STX1A: variants seen among roughly 807,000 people sequenced by gnomAD.
The protein encoded by STX1A is syntaxin-1A.
In STX1A, 4 loss-of-function variants were observed where a neutral mutation model predicts 37.8. The ratio of observed to expected loss-of-function variants is 0.11; its 90% confidence interval spans 0.05 to 0.24. The LOEUF is 0.24. Among genes scored for constraint, STX1A ranks in the 10% least tolerant of loss-of-function variants. The pLI is 1.00. For synonymous variants in STX1A, 135 were observed against 147.4 expected, an observed-to-expected ratio of 0.92 and a Z score of 0.61; for missense variants, 251 against 399.9, an observed-to-expected ratio of 0.63 and a Z score of 3.18.
At position 73,703,104 on chromosome 7, in the gene STX1A, A is replaced by G. The variant is rs964178340; in HGVS notation, c.541-122T>C. 10 of 840,584 alleles carry G rather than the reference A, an allele frequency of 1.2e-5. No homozygotes were observed. In the East Asian group the frequency reaches 2.6e-4, roughly 22 times the overall value. 52.1% of individuals were successfully genotyped at this position (840,584 alleles called of 1,614,324 possible). A position where few individuals can be genotyped will look rare whatever the true frequency, so the allele number is the denominator to read the frequency against. ...GGAAGGGGGCCTGAGGCTTCCTCCC[A>G]AGCCGCAGCCTTCCCCGCCTTGCTA... is the stretch of plus-strand genomic sequence containing the variant. On this transcript the variant is annotated intron_variant, in intron 7 of 9. Coordinates refer to ENST00000222812, the MANE Select transcript of STX1A (RefSeq NM_004603.4).
intron 1 of STX1A, among the ~76,000 whole-genome samples, chr7:73,710,476 A>G (rs946808710): frequency 6.6e-6 from 1 of 152,004 alleles, no homozygotes; most frequent in Non-Finnish European, 1.5e-5. Context: ...CCTAGGCTGG[A>G]GTGCAGTGGT....
At chr7:73,711,501 G>A (rs932026380) in intron 1 of STX1A, 1 of 152,752 alleles carries the variant, frequency 6.5e-6, no homozygotes. Context: ...GTCACCAGGT[G>A]GTACCCCCTC....
chr7:73,717,379 T>C lies in STX1A; in HGVS notation c.30+2223A>G, dbSNP rs1383844855. 6.6e-6 allele frequency among the ~76,000 whole-genome samples: 1 copy of C among 152,140 alleles called. No individual in the cohort carries two copies. The highest frequency in any genetic ancestry group is 1.5e-5 in the Non-Finnish European group (1 of 68,000). The stretch of plus-strand genomic sequence containing the variant: ...TTTCTGGGGATTCTGGGCTGAAAAT[T>C]CTGACTCCTGGGGCTTCAGGCCTCC... On this transcript the variant is annotated intron_variant, in intron 1 of 9. Transcript: ENST00000222812. The surrounding 1 kb of genome is among the most constrained non-coding windows in gnomAD (Gnocchi z 4.1).
chr7:73,710,989 T>G (rs1799081647), intron 1 of STX1A, among the ~76,000 whole-genome samples: 1 of 151,982 alleles, frequency 6.6e-6, no homozygotes, highest in Non-Finnish European at 1.5e-5. Context: ...GATTGATGGA[T>G]GGACTGATTG....
At position 73,702,813 on chromosome 7, in the gene STX1A, T is replaced by A. The variant is rs200872589; in HGVS notation, c.678+32A>T. ...TGCAGCCCTGGGTGCTGGTGTGGGC[T>A]GGAGTGGAGGGCAGGGGGGCCCGGC... On this transcript the variant is annotated intron_variant, in intron 8 of 9. Coordinates refer to ENST00000222812, the MANE Select transcript of STX1A (RefSeq NM_004603.4). This position sits in a 1 kb window ranked among gnomAD's most constrained non-coding sequence, Gnocchi z 4.7. 13 of 1,613,728 alleles carry A rather than the reference T, an allele frequency of 8.1e-6. No individual in the cohort carries two copies. The highest frequency in any genetic ancestry group is 1.1e-5 in the Non-Finnish European group (13 of 1,179,910).
At position 73,700,380 on chromosome 7, in the gene STX1A, G is replaced by A; in HGVS notation, c.*27C>T. On this transcript the variant is annotated 3_prime_UTR_variant, in exon 10 of 10. Coordinates refer to ENST00000222812, the MANE Select transcript of STX1A (RefSeq NM_004603.4). This position sits in a 1 kb window ranked among gnomAD's most constrained non-coding sequence, Gnocchi z 4.4. ...AGGGCCTCCTTGGAGTGGCCCACCT[G>A]GAGTGGAGTGGCAGTTTGGGTGGCT... is the stretch of plus-strand genomic sequence containing the variant. 1.2e-6 allele frequency: 2 copies of A among 1,611,930 alleles called. No homozygotes were observed. Among genetic ancestry groups the A allele is most frequent in the Non-Finnish European group, 1.7e-6 (2 of 1,178,174 alleles).
Position 73,700,470 on chromosome 7 carries a change from G to A in STX1A, c.804C>T (p.Ile268=), listed in dbSNP as rs1554615663. ...TGCCCAGGATCACACAGCAGATGAT[G>A]ATCATGATTTTCTTCTGCATGGGAA... ...QSKARRKKIM[I]IICCVILGIV... is the part of the protein sequence containing the mutation. Residue 268 remains isoleucine, a synonymous_variant, in exon 10 of 10, where the codon ATC becomes ATT. Transcript: ENST00000222812. The surrounding 1 kb of genome is among the most constrained non-coding windows in gnomAD (Gnocchi z 4.4). 1.9e-6 allele frequency: 3 copies of A among 1,614,042 alleles called. No individual in the cohort carries two copies. The highest frequency in any genetic ancestry group is 2.5e-6 in the Non-Finnish European group (3 of 1,179,982).
In STX1A at chr7:73,709,026, G is replaced by A. The variant is rs1364500945; in HGVS notation, c.108+19C>T. 6.2e-7 allele frequency: 1 copy of A among 1,613,574 alleles called. No individual in the cohort carries two copies. ...AGTTCTGCCAGTGTGCGGGAAGGGTGGGGTGTGCTGGCTCCCACCTGCTCA... is the reference window on the plus strand; with the variant it reads ...AGTTCTGCCAGTGTGCGGGAAGGGTAGGGTGTGCTGGCTCCCACCTGCTCA... On this transcript the variant is annotated intron_variant, in intron 2 of 9. Transcript: ENST00000222812. The surrounding 1 kb of genome is among the most constrained non-coding windows in gnomAD (Gnocchi z 4.2).
At position 73,702,738 on chromosome 7, in the gene STX1A, T is replaced by G. The variant is rs1554616070; in HGVS notation, c.678+107A>C. The G allele has an allele frequency of 3.2e-6, 5 of 1,579,062 alleles. No homozygotes were observed. The highest frequency in any genetic ancestry group is 4.3e-6 in the Non-Finnish European group (5 of 1,159,128). On this transcript the variant is annotated intron_variant, in intron 8 of 9. Coordinates refer to ENST00000222812, the MANE Select transcript of STX1A (RefSeq NM_004603.4). This position sits in a 1 kb window ranked among gnomAD's most constrained non-coding sequence, Gnocchi z 4.7. ...AGCGGGTGATTGGTTACCTGAGAACTTGGTCCCTCCCCGGCAGGGCAGCGT... is the reference window on the plus strand; with the variant it reads ...AGCGGGTGATTGGTTACCTGAGAACGTGGTCCCTCCCCGGCAGGGCAGCGT...
intron 7 of STX1A, chr7:73,703,495 T>G (rs1554616234): frequency 5.9e-6 from 4 of 673,384 alleles, no homozygotes; most frequent in Non-Finnish European, 1.1e-5. Context: ...GGCCCACGGA[T>G]AAGAGGAGGA....
chr7:73,709,452 G>C lies in STX1A; in HGVS notation c.31-330C>G, dbSNP rs527313880. Reference sequence around the variant, plus strand: ...AAGCGAGCCTGGGGCCGGCCGCTCTGTCTGGGCCCTCTGGGTCCCCTAGGC... The same window carrying C: ...AAGCGAGCCTGGGGCCGGCCGCTCTCTCTGGGCCCTCTGGGTCCCCTAGGC... On this transcript the variant is annotated intron_variant, in intron 1 of 9. Transcript: ENST00000222812. This position sits in a 1 kb window ranked among gnomAD's most constrained non-coding sequence, Gnocchi z 4.2. Among the ~76,000 whole-genome samples the C allele has an allele frequency of 2.0e-5, 3 of 152,236 alleles. No homozygotes were observed. In the East Asian group the frequency reaches 5.8e-4, roughly 29 times the overall value.
chr7:73,712,580 G>C (rs549749424), intron 1 of STX1A, among the ~76,000 whole-genome samples: 289 of 152,096 alleles, frequency 1.9e-3, no homozygotes, highest in Non-Finnish European at 3.6e-3. Flanking sequence ...AGTCCCCCTG[G>C]CTTCAGCTGC....
rs1370455809 is a variant in STX1A, at chr7:73,705,512, A to C, written c.209-288T>G. ...TAACAGATGGGTCTAAATTTAAGGCAGAAGTAATTGTGGAGCAGCTGGCGA... is the reference window on the plus strand; with the variant it reads ...TAACAGATGGGTCTAAATTTAAGGCCGAAGTAATTGTGGAGCAGCTGGCGA... On this transcript the variant is annotated intron_variant, in intron 3 of 9. Transcript: ENST00000222812. The surrounding 1 kb of genome is among the most constrained non-coding windows in gnomAD (Gnocchi z 5.2). 5.1e-6 allele frequency: 2 copies of C among 388,548 alleles called. No individual in the cohort carries two copies. Among genetic ancestry groups the C allele is most frequent in the African/African-American group, 4.1e-5 (2 of 48,282 alleles). The allele number at this position is 388,548 out of a possible 1,614,324, so 24.1% of individuals were successfully genotyped here.
Position 73,703,587 on chromosome 7 carries a change from T to G in STX1A, c.540+168A>C. On this transcript the variant is annotated intron_variant, in intron 7 of 9. Coordinates refer to ENST00000222812, the MANE Select transcript of STX1A (RefSeq NM_004603.4). ...TTGAGTCCACCTTTGCCGCTGACATTTATGTGACCTCAGCCTGGTGTTTTC... is the reference window on the plus strand; with the variant it reads ...TTGAGTCCACCTTTGCCGCTGACATGTATGTGACCTCAGCCTGGTGTTTTC... 3 of 845,578 alleles carry G rather than the reference T, an allele frequency of 3.5e-6. No individual in the cohort carries two copies. In the East Asian group the frequency reaches 7.5e-5, roughly 21 times the overall value. The allele number at this position is 845,578 out of a possible 1,614,324, so 52.4% of individuals were successfully genotyped here.
chr7:73,705,681 TC>T lies in STX1A; in HGVS notation c.209-458del, dbSNP rs72555388. 0.031 allele frequency: 5,899 copies of T among 187,638 alleles called. 99 individuals carry two copies. Among genetic ancestry groups the T allele is most frequent in the Non-Finnish European group, 0.038 (3,406 of 89,850 alleles). The allele number at this position is 187,638 out of a possible 1,614,324, so 11.6% of individuals were successfully genotyped here. A position where few individuals can be genotyped will look rare whatever the true frequency, so the allele number is the denominator to read the frequency against. On this transcript the variant is annotated intron_variant, in intron 3 of 9. Transcript: ENST00000222812. This position sits in a 1 kb window ranked among gnomAD's most constrained non-coding sequence, Gnocchi z 5.2. ...GGGTTGACAGGGGACCACCCCACAC[TC>T]CCTGAGTCATATGCGCAAACACTCT... is the stretch of plus-strand genomic sequence containing the variant.
At position 73,700,464 on chromosome 7, in the gene STX1A, G is replaced by C; in HGVS notation, c.810C>G (p.Ile270Met). 1 of 1,614,108 alleles carries C rather than the reference G, an allele frequency of 6.2e-7. No homozygotes were observed. Among genetic ancestry groups the C allele is most frequent in the Non-Finnish European group, 8.5e-7 (1 of 1,180,012 alleles). The change falls in exon 10 of 10, where the codon ATC becomes ATG. Residue 270 changes from isoleucine to methionine, a missense_variant. Transcript: ENST00000222812. The surrounding 1 kb of genome is among the most constrained non-coding windows in gnomAD (Gnocchi z 4.4). ...TGACGATGCCCAGGATCACACAGCA[G>C]ATGATGATCATGATTTTCTTCTGCA... is the stretch of plus-strand genomic sequence containing the variant. Reference protein sequence around the residue: ...KARRKKIMIIICCVILGIVIA... With the variant: ...KARRKKIMIIMCCVILGIVIA...
In STX1A at chr7:73,708,061, C is replaced by G. The variant is rs1378655248; in HGVS notation, c.208+528G>C. On this transcript the variant is annotated intron_variant, in intron 3 of 9. Transcript: ENST00000222812. ...CAGGTGGATCACGAGGTCAGGAGAT[C>G]AAGACTGTCTTGGCCAACATGGTGA... Among the ~76,000 whole-genome samples, 18 of 150,976 alleles carry G rather than the reference C, an allele frequency of 1.2e-4. 1 individual carries two copies. Among genetic ancestry groups the G allele is most frequent in the African/African-American group, 3.9e-4 (16 of 41,202 alleles).
chr7:73,704,435 G>A lies in STX1A; in HGVS notation c.284-12C>T, dbSNP rs782656169. On this transcript the variant is annotated splice_polypyrimidine_tract_variant and intron_variant, in intron 4 of 9. Transcript: ENST00000222812. ...GGACTGCTCGATGCCTGGGGGCACAGGTGGCTGCTAAGTCATAACCAGGCC... is the reference window on the plus strand; with the variant it reads ...GGACTGCTCGATGCCTGGGGGCACAAGTGGCTGCTAAGTCATAACCAGGCC... 9 of 1,614,084 alleles carry A rather than the reference G, an allele frequency of 5.6e-6. No homozygotes were observed. The South Asian group carries it at 9.9e-5, about 18-fold the overall frequency.
intron 1 of STX1A, among the ~76,000 whole-genome samples, chr7:73,714,364 TC>T (rs1456899296): frequency 6.6e-6 from 1 of 152,066 alleles, no homozygotes; most frequent in Non-Finnish European, 1.5e-5. Context: ...CGCCTCGGTC[TC>T]CCAAAGTGCT....
Sources: gnomAD v4.1 joint callset for allele counts (sites outside exome capture counted in the v4.1 genomes callset) on GRCh38, gnomAD v4.1.1 for gene constraint, Gnocchi (gnomAD v3.1) non-coding constraint, MANE v1.5 for transcripts, NCBI Gene and HGNC (gene_info 2026-07-23, HGNC 2026-07-21) for gene names.